Variants in ANO8 observed in about 807,000 individuals in gnomAD.
The protein encoded by ANO8 is anoctamin-8.
ANO8 carries 67 observed loss-of-function variants against 120.4 expected under a neutral mutation model. That is an observed-to-expected ratio of 0.56 (90% confidence interval 0.46 to 0.68). ANO8 has a LOEUF of 0.68. ANO8 is among the 30% of genes least tolerant of loss of function. ANO8 has a pLI of 0.00. For synonymous variants in ANO8, 727 were observed against 759.2 expected, an observed-to-expected ratio of 0.96 and a Z score of 0.70; for missense variants, 1,526 against 1,737.6, an observed-to-expected ratio of 0.88 and a Z score of 2.16.
At chr19:17,327,979 G>T in intron 13 of ANO8, 99 bp from the exon 14 acceptor site, 3 of 1,490,678 alleles carry the variant, frequency 2.0e-6, no homozygotes, top group Non-Finnish European at 2.7e-6. Context: ...TGGACCCAGG[G>T]CCTGTCCCCA....
chr19:17,325,037 G>T lies in ANO8; in HGVS notation c.3011C>A (p.Ala1004Asp), dbSNP rs376345438. 1.2e-6 allele frequency: 2 copies of T among 1,612,960 alleles called. No individual in the cohort carries two copies. The highest frequency in any genetic ancestry group is 1.7e-5 in the Admixed American group (1 of 60,024). ...TSSLAAAGAG[A>D]TTRPPPAQSP... is the part of the protein sequence containing the mutation. ...CTGGGCAGGGGGAGGCCGGGTGGTG[G>T]CTCCGGCCCCTGCAGCAGCCAGTGA... is the stretch of plus-strand genomic sequence containing the variant. The change falls in exon 17 of 18, where the codon GCC (alanine) becomes GAC (aspartate). Residue 1004 changes from alanine (A) to aspartate (D), a missense_variant. Ala to Asp is a moderately radical substitution (Grantham distance 126, BLOSUM62 -2). Coordinates refer to ENST00000159087, the MANE Select transcript of ANO8 (RefSeq NM_020959.3).
rs1453245333 is a variant in ANO8, at chr19:17,328,104, C to T, written c.2226+58G>A. ...CACCCCCACGGCCTTCACCCTCGGA[C>T]GGTGTGTCCCGTCCCCGGCGAGGCC... On this transcript the variant is annotated intron_variant, in intron 13 of 17. Coordinates refer to ENST00000159087, the MANE Select transcript of ANO8 (RefSeq NM_020959.3). The T allele has an allele frequency of 3.5e-5, 47 of 1,344,844 alleles. 1 individual carries two copies. Among genetic ancestry groups the T allele is most frequent in the South Asian group, 1.7e-4 (12 of 69,110 alleles). 83.3% of individuals were successfully genotyped at this position (1,344,844 alleles called of 1,614,324 possible). A position where few individuals can be genotyped will look rare whatever the true frequency, so the allele number is the denominator to read the frequency against.
rs759653598 is a variant in ANO8, at chr19:17,328,958, C to T, written c.1430G>A (p.Arg477His). 2.0e-6 allele frequency: 3 copies of T among 1,504,566 alleles called. No individual in the cohort carries two copies. Among genetic ancestry groups the T allele is most frequent in the East Asian group, 2.8e-5 (1 of 35,420 alleles). 93.2% of individuals were successfully genotyped at this position (1,504,566 alleles called of 1,614,324 possible). A position where few individuals can be genotyped will look rare whatever the true frequency, so the allele number is the denominator to read the frequency against. ...CTCGCGCACGTTCTGGAGGAACTGGCGGGTGATCAGCAGCGTGGCCAGCAT... is the reference window on the plus strand; with the variant it reads ...CTCGCGCACGTTCTGGAGGAACTGGTGGGTGATCAGCAGCGTGGCCAGCAT... ...KEMLATLLIT[R>H]QFLQNVREVL... The change falls in exon 13 of 18, where the codon CGC becomes CAC. Residue 477 changes from arginine (R) to histidine (H), a missense_variant. Arg to His is a conservative substitution (Grantham distance 29). Around this residue, in one of 8 missense-constraint regions of ANO8, gnomAD observed 467 missense variants for 425.8 expected, o/e 1.10. Transcript: ENST00000159087.
In ANO8 at chr19:17,328,514, C is replaced by T. The variant is rs2074291116; in HGVS notation, c.1874G>A (p.Gly625Glu). 1 of 1,552,738 alleles carries T rather than the reference C, an allele frequency of 6.4e-7. No individual in the cohort carries two copies. Among genetic ancestry groups the T allele is most frequent in the South Asian group, 1.2e-5 (1 of 84,508 alleles). Residue 625 changes from glycine (G) to glutamate (E), a missense_variant, in exon 13 of 18, where the codon GGG (glycine) becomes GAG (glutamate). Transcript: ENST00000159087. ...KKVSFAERGA[G>E]RRRPGPSPEA... ...CGGGCTTGGGCCGGGCCGACGCCGC[C>T]CCGCGCCGCGCTCAGCGAAGCTGAC...
Position 17,328,521 on chromosome 19 carries a change from C to T in ANO8, c.1867G>A (p.Gly623Ser), listed in dbSNP as rs1302896631. ...RLKKVSFAER[G>S]AGRRRPGPSP... ...GGGCCGGGCCGACGCCGCCCCGCGC[C>T]GCGCTCAGCGAAGCTGACCTTCTTC... The change falls in exon 13 of 18, where the codon GGC becomes AGC. Residue 623 changes from glycine (G) to serine (S), a missense_variant. Physicochemically the swap from Gly to Ser is moderately conservative, Grantham distance 56 (BLOSUM62 0). Around this residue, in one of 8 missense-constraint regions of ANO8, gnomAD observed 467 missense variants for 425.8 expected, o/e 1.10. Transcript: ENST00000159087. 2 of 1,551,490 alleles carry T rather than the reference C, an allele frequency of 1.3e-6. No individual in the cohort carries two copies. The highest frequency in any genetic ancestry group is 1.9e-5 in the Admixed American group (1 of 51,396).
chr19:17,328,110 G>T, intron 13 of ANO8, 52 bp downstream of exon 13: 1 of 1,469,758 alleles, frequency 6.8e-7, no homozygotes, highest in Admixed American at 2.5e-5. Context: ...CGGACGGTGT[G>T]TCCCGTCCCC....
In ANO8 at chr19:17,330,133, T is replaced by C; in HGVS notation, c.1265A>G (p.Asn422Ser). 6.2e-7 allele frequency: 1 copy of C among 1,614,068 alleles called. No individual in the cohort carries two copies. The highest frequency in any genetic ancestry group is 1.7e-5 in the Admixed American group (1 of 60,006). ...EGYKKLAIWL[N>S]DMENYRLESA... Reference sequence around the variant, plus strand: ...CCCCTGGCAGGTCGTACCCATGTCATTGAGCCAGATGGCTAGCTTCTTGTA... The same window carrying C: ...CCCCTGGCAGGTCGTACCCATGTCACTGAGCCAGATGGCTAGCTTCTTGTA... The change falls in exon 10 of 18, where the codon AAT becomes AGT. Residue 422 changes from asparagine to serine, a missense_variant. By Grantham distance (46) the Asn-to-Ser change is conservative. Transcript: ENST00000159087.
rs1241935989 is a variant in ANO8 at position 17,328,482 on chromosome 19, G to A, written c.1906C>T (p.Leu636Phe). The A allele has an allele frequency of 6.4e-7, 1 of 1,563,830 alleles. No individual in the cohort carries two copies. The highest frequency in any genetic ancestry group is 8.6e-7 in the Non-Finnish European group (1 of 1,158,338). ...ATAGTGGGGCTCCCTTCCTCCAGGA[G>A]GGCCTCCGGGCTTGGGCCGGGCCGA... ...RRRPGPSPEALLEEGSPTMVE... is the reference protein window; with the variant it reads ...RRRPGPSPEAFLEEGSPTMVE... The change falls in exon 13 of 18, where the codon CTC becomes TTC. Residue 636 changes from leucine to phenylalanine, a missense_variant. Around this residue, in one of 8 missense-constraint regions of ANO8, gnomAD observed 467 missense variants for 425.8 expected, o/e 1.10. Transcript: ENST00000159087.
At position 17,327,241 on chromosome 19, in the gene ANO8, G is replaced by A. The variant is rs2074278411; in HGVS notation, c.2655C>T (p.Ala885=). The A allele has an allele frequency of 6.5e-7, 1 of 1,541,476 alleles. No individual in the cohort carries two copies. The highest frequency in any genetic ancestry group is 1.4e-5 in the African/African-American group (1 of 72,820). ...CCCAGCCTGGCCCCCCTACCTTAAA[G>A]GCCTCGCGGCGCTGGTACTCCAGCT... ...MAKLEYQRRE[A]FKRHERQAQH... is the part of the protein sequence containing the mutation. Residue 885 remains alanine (A), a synonymous_variant, in exon 16 of 18, where the codon GCC becomes GCT. Coordinates refer to ENST00000159087, the MANE Select transcript of ANO8 (RefSeq NM_020959.3).
chr19:17,331,129 C>A lies in ANO8; in HGVS notation c.790G>T (p.Val264Phe). The change falls in exon 7 of 18, where the codon GTC (valine) becomes TTC (phenylalanine). Residue 264 changes from valine (V) to phenylalanine (F), a missense_variant. Physicochemically the swap from Val to Phe is conservative, Grantham distance 50. Coordinates refer to ENST00000159087, the MANE Select transcript of ANO8 (RefSeq NM_020959.3). ...FYTSAMVYPA[V>F]FGSVLYTFTE... The stretch of plus-strand genomic sequence containing the variant: ...AATGTGTACAGGACAGACCCGAAGA[C>A]AGCTGGGTATACCATAGCCGACGTG... 6.2e-7 allele frequency: 1 copy of A among 1,614,224 alleles called. No individual in the cohort carries two copies. The highest frequency in any genetic ancestry group is 8.5e-7 in the Non-Finnish European group (1 of 1,180,040).
Position 17,323,849 on chromosome 19 carries a change from G to C in ANO8, c.3367C>G (p.Arg1123Gly). 8.9e-7 allele frequency: 1 copy of C among 1,124,850 alleles called. No individual in the cohort carries two copies. Among genetic ancestry groups the C allele is most frequent in the Non-Finnish European group, 1.1e-6 (1 of 919,248 alleles). 69.7% of individuals were successfully genotyped at this position (1,124,850 alleles called of 1,614,324 possible). The change falls in exon 18 of 18, where the codon CGC becomes GGC. Residue 1123 changes from arginine (R) to glycine (G), a missense_variant. Transcript: ENST00000159087. ...ALAPVGAPALRTRRSRSPAPP... is the reference protein window; with the variant it reads ...ALAPVGAPALGTRRSRSPAPP... ...GCGGGGCTCCGGCTGCGGCGGGTGC[G>C]GAGGGCAGGGGCGCCCACGGGGGCC...
chr19:17,333,592 A>C lies in ANO8; in HGVS notation c.218-38T>G. On this transcript the variant is annotated intron_variant, in intron 2 of 17. Coordinates refer to ENST00000159087, the MANE Select transcript of ANO8 (RefSeq NM_020959.3). The surrounding 1 kb of genome is among the most constrained non-coding windows in gnomAD (Gnocchi z 7.2). Reference sequence around the variant, plus strand: ...ACAGGGACCGATGGCTCCTGCCACGAGGGGGCCCAAGGCCTCCTACGTATT... The same window carrying C: ...ACAGGGACCGATGGCTCCTGCCACGCGGGGGCCCAAGGCCTCCTACGTATT... 1 of 1,498,502 alleles carries C rather than the reference A, an allele frequency of 6.7e-7. No homozygotes were observed. Among genetic ancestry groups the C allele is most frequent in the African/African-American group, 1.6e-5 (1 of 64,214 alleles). 92.8% of individuals were successfully genotyped at this position (1,498,502 alleles called of 1,614,324 possible).
At position 17,334,551 on chromosome 19, in the gene ANO8, C is replaced by T; in HGVS notation, c.106+14G>A. On this transcript the variant is annotated intron_variant, in intron 1 of 17. Coordinates refer to ENST00000159087, the MANE Select transcript of ANO8 (RefSeq NM_020959.3). ...CACCTGCAACCCTGTCTGGTCCAGCCGCCGCACACATACCCAGAACTCCGG... is the reference window on the plus strand; with the variant it reads ...CACCTGCAACCCTGTCTGGTCCAGCTGCCGCACACATACCCAGAACTCCGG... 1 of 1,543,146 alleles carries T rather than the reference C, an allele frequency of 6.5e-7. No individual in the cohort carries two copies. The highest frequency in any genetic ancestry group is 2.5e-5 in the East Asian group (1 of 39,516).
chr19:17,328,516 C>G lies in ANO8; in HGVS notation c.1872G>C (p.Ala624=), dbSNP rs758138981. The G allele has an allele frequency of 1.9e-6, 3 of 1,552,568 alleles. No homozygotes were observed. The highest frequency in any genetic ancestry group is 4.8e-5 in the East Asian group (2 of 41,632). The change falls in exon 13 of 18, where the codon GCG becomes GCC. Residue 624 remains alanine, a synonymous_variant. Coordinates refer to ENST00000159087, the MANE Select transcript of ANO8 (RefSeq NM_020959.3). ...GGCTTGGGCCGGGCCGACGCCGCCC[C>G]GCGCCGCGCTCAGCGAAGCTGACCT... The part of the protein sequence containing the change: ...LKKVSFAERG[A]GRRRPGPSPE...
intron 12 of ANO8, chr19:17,329,550 G>A: frequency 1.7e-6 from 1 of 598,908 alleles, no homozygotes; most frequent in Non-Finnish European, 3.0e-6. Flanking sequence ...AGCTGTGAAG[G>A]GACCGACGGA....
At chr19:17,332,805 T>A in intron 5 of ANO8, 125 bp downstream of exon 5, 2 of 1,053,024 alleles carry the variant, frequency 1.9e-6, no homozygotes, top group South Asian at 1.4e-5. Context: ...CTCATTGGTT[T>A]CCTAACTCTT....
rs866119745 is a variant in ANO8 at position 17,325,320 on chromosome 19, GCTC to G, written c.2725_2727del (p.Glu909del). The G allele has an allele frequency of 1.6e-5, 25 of 1,604,268 alleles. No individual in the cohort carries two copies. The highest frequency in any genetic ancestry group is 1.8e-5 in the Non-Finnish European group (21 of 1,179,562). ...GCATGGTGCTCTGCATGGCGCTGTC[GCTC>G]CTCCTCCTCCCGCCGCCTGCGCTGC... On this transcript the variant is annotated inframe_deletion, in exon 17 of 18. Coordinates refer to ENST00000159087, the MANE Select transcript of ANO8 (RefSeq NM_020959.3).
Position 17,332,962 on chromosome 19 carries a change from T to C in ANO8, c.554A>G (p.His185Arg). 3 of 1,614,194 alleles carry C rather than the reference T, an allele frequency of 1.9e-6. No individual in the cohort carries two copies. Among genetic ancestry groups the C allele is most frequent in the Non-Finnish European group, 8.5e-7 (1 of 1,180,042 alleles). Residue 185 changes from histidine (H) to arginine (R), a missense_variant, in exon 5 of 18, where the codon CAC becomes CGC. Physicochemically the swap from His to Arg is conservative, Grantham distance 29 (BLOSUM62 0). This residue lies in a region of ANO8 where 322 missense variants were observed against 431.8 expected (regional missense o/e 0.75). Coordinates refer to ENST00000159087, the MANE Select transcript of ANO8 (RefSeq NM_020959.3). Reference protein sequence around the residue: ...NLRAKQGEALHNVRFLEDQPI... With the variant: ...NLRAKQGEALRNVRFLEDQPI... Reference sequence around the variant, plus strand: ...CTGGTCCTCCAGGAAGCGCACGTTGTGGAGTGCTTCTCCCTGCTTGGCACG... The same window carrying C: ...CTGGTCCTCCAGGAAGCGCACGTTGCGGAGTGCTTCTCCCTGCTTGGCACG...
intron 1 of ANO8, 112 bp downstream of exon 1, chr19:17,334,453 T>A (rs1899986694): frequency 1.0e-6 from 1 of 997,974 alleles, no homozygotes; most frequent in Non-Finnish European, 1.4e-6. Context: ...AGCCGGCCCC[T>A]CGTCCAGACA....
Sources: allele counts gnomAD v4.1 joint callset, GRCh38; gene constraint gnomAD v4.1.1; regional missense constraint gnomAD v4.1.1; non-coding constraint Gnocchi (gnomAD v3.1); transcripts MANE v1.5; gene names NCBI Gene and HGNC (gene_info 2026-07-23, HGNC 2026-07-21).